Variants in IL1RAPL2 observed in about 807,000 individuals in gnomAD.
The protein encoded by IL1RAPL2 is X-linked interleukin-1 receptor accessory protein-like 2.
A neutral mutation model predicts 44.1 loss-of-function variants in IL1RAPL2; 3 were observed. That is an observed-to-expected ratio of 0.07 (90% CI 0.03 to 0.18). The LOEUF (loss-of-function observed/expected upper bound fraction) is 0.18, where lower values mean the gene tolerates loss of function less well. IL1RAPL2 is among the 10% of genes least tolerant of loss of function. The pLI is 1.00. For missense variants in IL1RAPL2, 391 were observed against 496.4 expected (o/e 0.79, Z 2.02); for synonymous variants, 181 against 178.8 (o/e 1.01, Z -0.10).
At chrX:105,677,474 G>A (rs1001920342) in intron 6 of IL1RAPL2, among the ~76,000 whole-genome samples, 2 of 112,304 alleles carry the variant, frequency 1.8e-5, no homozygotes, top group Admixed American at 1.9e-4. Context: ...CAAACAAAGA[G>A]AAATACTTGC....
intron 2 of IL1RAPL2, among the ~76,000 whole-genome samples, chrX:104,895,253 G>A (rs1284891430): frequency 2.7e-5 from 3 of 112,525 alleles, no homozygotes; most frequent in East Asian, 2.8e-4. Flanking sequence ...TGAGGAGGCA[G>A]TCTGTCCGTT....
chrX:104,672,658 T>C (rs994835649), intron 2 of IL1RAPL2, among the ~76,000 whole-genome samples: 2 of 102,996 alleles, frequency 1.9e-5, no homozygotes, highest in African/African-American at 7.1e-5. Context: ...TCTAGATGCC[T>C]GAGGAATCGC....
chrX:104,711,601 A>T (rs900794140), intron 2 of IL1RAPL2, among the ~76,000 whole-genome samples: 1 of 110,310 alleles, frequency 9.1e-6, no homozygotes, highest in Non-Finnish European at 1.9e-5. Context: ...AAGAGATGAG[A>T]TAGAGGCTAG....
At chrX:105,195,831 T>G in intron 3 of IL1RAPL2, 83 bp downstream of exon 3, 1 of 916,973 alleles carries the variant, frequency 1.1e-6, no homozygotes. Context: ...GTATGCCTCA[T>G]GTTGTATAAT....
intron 2 of IL1RAPL2, among the ~76,000 whole-genome samples, chrX:104,883,386 C>A (rs778412214): frequency 9.0e-6 from 1 of 111,155 alleles, no homozygotes; most frequent in South Asian, 3.9e-4. Context: ...TTGCCTGGAA[C>A]AAGCTTCTGC....
intron 6 of IL1RAPL2, among the ~76,000 whole-genome samples, chrX:105,552,206 A>G (rs1286873776): frequency 1.8e-5 from 2 of 111,722 alleles, no homozygotes; most frequent in Non-Finnish European, 3.8e-5. Context: ...AAATCAGCTT[A>G]TGTGTATTTT....
chrX:105,560,897 C>A (rs1166268877), intron 6 of IL1RAPL2, among the ~76,000 whole-genome samples: 1 of 108,845 alleles, frequency 9.2e-6, no homozygotes, highest in African/African-American at 3.3e-5. Flanking sequence ...ATTATATATA[C>A]ACTGGAATAT....
intron 3 of IL1RAPL2, among the ~76,000 whole-genome samples, chrX:105,204,238 G>A (rs1227790530): frequency 3.6e-5 from 4 of 111,589 alleles, no homozygotes; most frequent in Non-Finnish European, 7.5e-5. Flanking sequence ...GTGGCAACTG[G>A]CCCAATTCCA....
At position 104,828,257 on chromosome X, in the gene IL1RAPL2, C is replaced by T. The variant is rs774158694; in HGVS notation, c.82+169262C>T. ...TTTTGTGCTGGCTTTTCCTCTTCTT[C>T]GTGGATTTATCTACCTTTCATCTTT... On this transcript the variant is annotated intron_variant, in intron 2 of 10. Transcript: ENST00000372582. Among the ~76,000 whole-genome samples, 15 of 112,033 alleles carry T rather than the reference C, an allele frequency of 1.3e-4. No individual in the cohort carries two copies. The East Asian group carries it at 3.4e-3, about 25-fold the overall frequency.
chrX:105,416,814 A>G (rs2035736682), intron 5 of IL1RAPL2, among the ~76,000 whole-genome samples: 1 of 111,995 alleles, frequency 8.9e-6, no homozygotes, highest in Non-Finnish European at 1.9e-5. Flanking sequence ...TTGCGGGGTT[A>G]ACAGCAGCAT....
rs1211055946 is a variant in IL1RAPL2 at position 105,647,282 on chromosome X, C to T, written c.773-70085C>T. 4.5e-5 allele frequency among the ~76,000 whole-genome samples: 5 copies of T among 111,110 alleles called. No individual in the cohort carries two copies. The South Asian group carries it at 1.2e-3, about 26-fold the overall frequency. ...CAGCGAGCGAAAGCTCAGCTGGAGC[C>T]AGAAAAAAACAAGGACCAGAAGAGT... On this transcript the variant is annotated intron_variant, in intron 6 of 10. Transcript: ENST00000372582.
intron 2 of IL1RAPL2, among the ~76,000 whole-genome samples, chrX:104,770,236 T>C (rs1438914426): frequency 9.0e-6 from 1 of 111,679 alleles, no homozygotes; most frequent in African/African-American, 3.3e-5. Context: ...AGCCATGTTT[T>C]AGAAAGTTAA....
chrX:105,604,409 T>G (rs774066597), intron 6 of IL1RAPL2, among the ~76,000 whole-genome samples: 1 of 110,732 alleles, frequency 9.0e-6, no homozygotes, highest in Non-Finnish European at 1.9e-5. Context: ...AGGACATGGA[T>G]TAATTCCTGG....
chrX:105,713,476 T>A (rs1481463436), intron 6 of IL1RAPL2, among the ~76,000 whole-genome samples: 2 of 111,231 alleles, frequency 1.8e-5, no homozygotes, highest in African/African-American at 6.6e-5. Flanking sequence ...AACCATCAGA[T>A]CTCATGAGAA....
At chrX:105,628,069 G>A (rs186029257) in intron 6 of IL1RAPL2, among the ~76,000 whole-genome samples, 1 of 111,796 alleles carries the variant, frequency 8.9e-6, no homozygotes, top group Non-Finnish European at 1.9e-5. Flanking sequence ...TATTCTCCAG[G>A]TGCTAAGTGT....
chrX:104,743,818 A>G (rs993412808), intron 2 of IL1RAPL2, among the ~76,000 whole-genome samples: 1 of 111,300 alleles, frequency 9.0e-6, no homozygotes, highest in African/African-American at 3.3e-5. Context: ...CACTGAATCA[A>G]TGGCACCGTC....
At chrX:105,611,909 A>G (rs1009902990) in intron 6 of IL1RAPL2, among the ~76,000 whole-genome samples, 2 of 111,376 alleles carry the variant, frequency 1.8e-5, no homozygotes, top group African/African-American at 6.5e-5. Context: ...TCAGTTTAAC[A>G]GCTTATGGGC....
At chrX:104,738,301 G>A (rs1201503445) in intron 2 of IL1RAPL2, among the ~76,000 whole-genome samples, 1 of 112,330 alleles carries the variant, frequency 8.9e-6, no homozygotes, top group Non-Finnish European at 1.9e-5. Flanking sequence ...TAATAGATGG[G>A]TAGAGAGAGG....
intron 2 of IL1RAPL2, among the ~76,000 whole-genome samples, chrX:104,871,161 A>G (rs1922752266): frequency 1.8e-5 from 2 of 111,975 alleles, no homozygotes; most frequent in Admixed American, 9.5e-5. Flanking sequence ...CCCCTGAAAA[A>G]GTATGTTTCT....
Sources: gnomAD v4.1 joint callset for allele counts (sites outside exome capture counted in the v4.1 genomes callset) on GRCh38, gnomAD v4.1.1 for gene constraint, MANE v1.5 for transcripts, NCBI Gene and HGNC (gene_info 2026-07-23, HGNC 2026-07-21) for gene names.